CD163L1: variants seen among roughly 807,000 people sequenced by gnomAD.
The protein encoded by CD163L1 is CD163 molecule like 1.
A neutral mutation model predicts 165.4 loss-of-function variants in CD163L1; 124 were observed. The ratio of observed to expected loss-of-function variants is 0.75; its 90% CI spans 0.65 to 0.87. CD163L1 has a LOEUF of 0.87. Among genes scored for constraint, CD163L1 ranks in the 40% least tolerant of loss-of-function variants. CD163L1 has a pLI of 0.00. For missense variants in CD163L1, 1,525 were observed against 1,799.9 expected (o/e 0.85, Z 2.76); for synonymous variants, 585 against 662.2 (o/e 0.88, Z 1.79).
At chr12:7,404,839 T>C (rs1411931721) in intron 5 of CD163L1, among the ~76,000 whole-genome samples, 1 of 152,180 alleles carries the variant, frequency 6.6e-6, no homozygotes, top group Admixed American at 6.5e-5. Context: ...GTATTTTCCC[T>C]GCACTATTTT....
chr12:7,415,372 T>G (rs768177158), intron 4 of CD163L1, among the ~76,000 whole-genome samples: 1 of 151,852 alleles, frequency 6.6e-6, no homozygotes, highest in African/African-American at 2.4e-5. Context: ...AATAATCACA[T>G]CACAAAAGAA....
chr12:7,346,801 C>T (rs1002036489), exon 5 of CD163L1: 2 of 152,064 alleles, frequency 1.3e-5, no homozygotes, highest in African/African-American at 2.4e-5. Context: ...TAGCAGTTTT[C>T]AGGACAAGTA....
At chr12:7,327,600 G>A in the CD163L1 span, among the ~76,000 whole-genome samples, 6 of 152,144 alleles carry the variant, frequency 3.9e-5, no homozygotes, top group African/African-American at 1.4e-4. Flanking sequence ...CATGAAGATG[G>A]CCCTGTAGTT....
intron 2 of CD163L1, among the ~76,000 whole-genome samples, chr12:7,440,629 C>CTTTTTT (rs71067189): frequency 8.6e-6 from 1 of 116,380 alleles, no homozygotes; most frequent in Non-Finnish European, 1.8e-5. Context: ...TATCTTTTTT[C>CTTTTTT]TTTTTTTTTT....
At chr12:7,421,159 A>ATATATATGTATATATGTATATATATGTG (rs1948369506) in intron 4 of CD163L1, among the ~76,000 whole-genome samples, 2 of 135,696 alleles carry the variant, frequency 1.5e-5, no homozygotes, top group African/African-American at 2.7e-5. Flanking sequence ...GTATAAATGT[A>ATATATATGTATATATGTATATATATGTG]TATATATGTA....
At position 7,398,550 on chromosome 12, in the gene CD163L1, A is replaced by G. The variant is rs1226115861; in HGVS notation, c.1443T>C (p.Ala481=). 6.2e-7 allele frequency: 1 copy of G among 1,600,338 alleles called. No homozygotes were observed. The highest frequency in any genetic ancestry group is 1.7e-5 in the Admixed American group (1 of 58,316). ...KADLDLRLVG[A]HSPCYGRLEV... is the part of the protein sequence containing the mutation. ...CCAATCTCCCATAACAGGGGCTATGAGCCCCGACAAGCCTTAGGTCCAGAT... is the reference window on the plus strand; with the variant it reads ...CCAATCTCCCATAACAGGGGCTATGGGCCCCGACAAGCCTTAGGTCCAGAT... The change falls in exon 7 of 20, where the codon GCT becomes GCC. Residue 481 remains alanine, a synonymous_variant. Coordinates refer to ENST00000313599, the MANE Select transcript of CD163L1 (RefSeq NM_174941.6). The surrounding 1 kb of genome is among the most constrained non-coding windows in gnomAD (Gnocchi z 4.5).
At chr12:7,335,339 A>G in the CD163L1 span, among the ~76,000 whole-genome samples, 1 of 152,206 alleles carries the variant, frequency 6.6e-6, no homozygotes, top group Non-Finnish European at 1.5e-5. Context: ...ATAATGCCAC[A>G]TATCTACAAC....
At chr12:7,385,250 T>TA (rs59433408) in intron 8 of CD163L1, among the ~76,000 whole-genome samples, 28,273 of 139,406 alleles carry the variant, frequency 0.2, 3,480 homozygotes, top group African/African-American at 0.37. Context: ...TTAAAAACTG[T>TA]AAAAAAAAAA....
At position 7,432,811 on chromosome 12, in the gene CD163L1, G is replaced by A; in HGVS notation, c.446-75C>T. On this transcript the variant is annotated intron_variant, in intron 3 of 19. Transcript: ENST00000313599. The surrounding 1 kb of genome is among the most constrained non-coding windows in gnomAD (Gnocchi z 4.2). ...TGAAATAAAATCAAAAGGATACGTA[G>A]AAGACAGCCCTGTTATGAATGAAGT... is the stretch of plus-strand genomic sequence containing the variant. 1 of 1,272,420 alleles carries A rather than the reference G, an allele frequency of 7.9e-7. No individual in the cohort carries two copies. The highest frequency in any genetic ancestry group is 1.1e-6 in the Non-Finnish European group (1 of 915,374). The allele number at this position is 1,272,420 out of a possible 1,614,324, so 78.8% of individuals were successfully genotyped here.
intron 6 of CD163L1, among the ~76,000 whole-genome samples, chr12:7,399,281 TCTTTC>T (rs989485368): frequency 5.8e-5 from 7 of 121,336 alleles, no homozygotes; most frequent in African/African-American, 3.2e-4. Context: ...TCCTTTTTCT[TCTTTC>T]CTTTTCTTTC....
downstream of CD163L1, among the ~76,000 whole-genome samples, chr12:7,344,526 C>T (rs1304786523): frequency 1.3e-5 from 2 of 152,222 alleles, no homozygotes; most frequent in African/African-American, 4.8e-5. Flanking sequence ...AGATTGAAAA[C>T]TGCTGGTGGA....
intron 2 of CD163L1, among the ~76,000 whole-genome samples, chr12:7,437,204 CTT>C (rs569109418): frequency 0.37 from 14,010 of 37,468 alleles, 1,330 homozygotes; most frequent in African/African-American, 0.43. Context: ...AATAGTATTA[CTT>C]TTTTATTTTA....
intron 4 of CD163L1, among the ~76,000 whole-genome samples, chr12:7,421,227 A>G (rs1948373983): frequency 7.5e-6 from 1 of 133,964 alleles, no homozygotes. Context: ...GTGTATATAT[A>G]TGTATATATA....
chr12:7,379,313 C>A lies in CD163L1; in HGVS notation c.2051-15G>T. The stretch of plus-strand genomic sequence containing the variant: ...ATCCGATGCATCTGAAACCAAATAC[C>A]ACAATGATTTTAGAGAAGCACTCTA... On this transcript the variant is annotated splice_polypyrimidine_tract_variant and intron_variant, in intron 8 of 19. Transcript: ENST00000313599. 6.2e-7 allele frequency: 1 copy of A among 1,611,136 alleles called. No homozygotes were observed. The highest frequency in any genetic ancestry group is 8.5e-7 in the Non-Finnish European group (1 of 1,177,896).
At chr12:7,420,166 G>A (rs1412323388) in intron 4 of CD163L1, among the ~76,000 whole-genome samples, 1 of 152,010 alleles carries the variant, frequency 6.6e-6, no homozygotes, top group African/African-American at 2.4e-5. Flanking sequence ...GTAAAAGAGT[G>A]AAAACGGATC....
chr12:7,439,236 T>G, intron 2 of CD163L1: 1 of 1,577,488 alleles, frequency 6.3e-7, no homozygotes, highest in Non-Finnish European at 8.6e-7. Context: ...AATTTTCTTT[T>G]TTTGTTTTTC....
intron 18 of CD163L1, among the ~76,000 whole-genome samples, chr12:7,358,517 A>G (rs144616217): frequency 2.6e-4 from 40 of 152,248 alleles, no homozygotes; most frequent in Middle Eastern, 3.4e-3. Context: ...GGGAGCCCCA[A>G]TGACAACAGG....
chr12:7,324,408 T>C, the CD163L1 span: 5 of 1,614,108 alleles, frequency 3.1e-6, 1 homozygote, highest in South Asian at 2.2e-5. Flanking sequence ...TGGGTTTGTA[T>C]ATTTGCCACT....
chr12:7,394,114 C>CA lies in CD163L1; in HGVS notation c.2050+1980dup, dbSNP rs773778503. ...CCAAAAAAAAACAAAAACAAAAAAA[C>CA]AAAAAAAAAATCACATAGCCAAGAC... On this transcript the variant is annotated intron_variant, in intron 8 of 19. Coordinates refer to ENST00000313599, the MANE Select transcript of CD163L1 (RefSeq NM_174941.6). Among the ~76,000 whole-genome samples the CA allele has an allele frequency of 4.2e-3, 596 of 140,270 alleles. 12 individuals carry two copies. Among genetic ancestry groups the CA allele is most frequent in the Middle Eastern group, 6.9e-3 (2 of 288 alleles). The allele number at this position is 140,270 out of a possible 152,430, so 92.0% of individuals were successfully genotyped here.
Sources: allele counts gnomAD v4.1 joint callset (sites outside exome capture counted in the v4.1 genomes callset), GRCh38; gene constraint gnomAD v4.1.1; non-coding constraint Gnocchi (gnomAD v3.1); transcripts MANE v1.5; gene names NCBI Gene and HGNC (gene_info 2026-07-23, HGNC 2026-07-21).